Variants in FGF9 observed in about 807,000 individuals in gnomAD.
FGF9 encodes fibroblast growth factor 9.
FGF9 carries 3 observed loss-of-function variants against 19.9 expected under a neutral mutation model. That is an observed-to-expected ratio of 0.15 (90% CI 0.07 to 0.39). The LOEUF (loss-of-function observed/expected upper bound fraction) is 0.39. Among genes scored for constraint, FGF9 ranks in the 10% least tolerant of loss-of-function variants. The pLI is 1.00. For missense variants in FGF9, 175 were observed against 256.8 expected (o/e 0.68, Z 2.18); for synonymous variants, 107 against 106.9 (o/e 1.00, Z -0.01).
chr13:21,682,934 T>G (rs1872077844), intron 2 of FGF9, among the ~76,000 whole-genome samples: 1 of 152,156 alleles, frequency 6.6e-6, no homozygotes, highest in Non-Finnish European at 1.5e-5. Flanking sequence ...TGAGTATGCA[T>G]CTCAAATATT....
chr13:21,691,013 A>G lies in FGF9; in HGVS notation c.381+9868A>G, dbSNP rs1872278086. Among the ~76,000 whole-genome samples, 1 of 152,374 alleles carries G rather than the reference A, an allele frequency of 6.6e-6. No homozygotes were observed. Among genetic ancestry groups the G allele is most frequent in the Non-Finnish European group, 1.5e-5 (1 of 68,040 alleles). On this transcript the variant is annotated intron_variant, in intron 2 of 2. Coordinates refer to ENST00000382353, the MANE Select transcript of FGF9 (RefSeq NM_002010.3). This position sits in a 1 kb window ranked among gnomAD's most constrained non-coding sequence, Gnocchi z 4.2. ...GGTGTCATTCAACAGAAACACACAT[A>G]AAACAAGGTTACGTATCTGTTGGCT...
chr13:21,675,114 C>G (rs910972055), intron 1 of FGF9, among the ~76,000 whole-genome samples: 6 of 151,612 alleles, frequency 4.0e-5, no homozygotes, highest in African/African-American at 1.5e-4. Flanking sequence ...CTGGGGGCGC[C>G]GAGCCGCTAG....
intron 2 of FGF9, among the ~76,000 whole-genome samples, chr13:21,696,670 T>C (rs1872417072): frequency 6.6e-6 from 1 of 152,222 alleles, no homozygotes; most frequent in Non-Finnish European, 1.5e-5. Context: ...CAGGTTAATA[T>C]TTTTTGCTAT....
At chr13:21,684,008 ATTTGCTG>A (rs1337208856) in intron 2 of FGF9, among the ~76,000 whole-genome samples, 1 of 152,166 alleles carries the variant, frequency 6.6e-6, no homozygotes, top group African/African-American at 2.4e-5. Context: ...GAGTCTGTCT[ATTTGCTG>A]TTTTCCAAAC....
intron 2 of FGF9, among the ~76,000 whole-genome samples, chr13:21,696,477 A>G (rs1393797490): frequency 6.6e-6 from 1 of 152,224 alleles, no homozygotes; most frequent in Non-Finnish European, 1.5e-5. Context: ...AAATTAAAAC[A>G]TGGAAACACA....
chr13:21,699,812 C>T (rs935716198), intron 2 of FGF9, among the ~76,000 whole-genome samples: 3 of 151,998 alleles, frequency 2.0e-5, no homozygotes, highest in Admixed American at 2.0e-4. Flanking sequence ...ATATAAGGCG[C>T]CAGGTAGGTA....
chr13:21,701,522 T>G lies in FGF9; in HGVS notation c.*87T>G. On this transcript the variant is annotated 3_prime_UTR_variant, in exon 3 of 3. Transcript: ENST00000382353. ...GGGTTCTTATTGATTCGCTGTGTCATCACATCAGCTCCACTGTTGCCAAAC... is the reference window on the plus strand; with the variant it reads ...GGGTTCTTATTGATTCGCTGTGTCAGCACATCAGCTCCACTGTTGCCAAAC... 1 of 1,576,946 alleles carries G rather than the reference T, an allele frequency of 6.3e-7. No individual in the cohort carries two copies. Among genetic ancestry groups the G allele is most frequent in the Non-Finnish European group, 8.7e-7 (1 of 1,147,694 alleles).
In FGF9 at chr13:21,701,270, G is replaced by A. The variant is rs756170423; in HGVS notation, c.462G>A (p.Lys154=). 1.2e-6 allele frequency: 2 copies of A among 1,613,722 alleles called. No homozygotes were observed. Among genetic ancestry groups the A allele is most frequent in the South Asian group, 1.1e-5 (1 of 91,038 alleles). ...ATACGTACTCATCAAACCTATATAA[G>A]CACGTGGACACTGGAAGGCGATACT... ...WYNTYSSNLY[K]HVDTGRRYYV... is the part of the protein sequence containing the mutation. Residue 154 remains lysine, a synonymous_variant, in exon 3 of 3, where the codon AAG becomes AAA. Coordinates refer to ENST00000382353, the MANE Select transcript of FGF9 (RefSeq NM_002010.3).
In FGF9 at chr13:21,672,074, G is replaced by C; in HGVS notation, c.162G>C (p.Leu54Phe). Reference sequence around the variant, plus strand: ...CCAGGGGACCCGCAGTCACGGACTTGGATCATTTAAAGGGGATTCTCAGGC... The same window carrying C: ...CCAGGGGACCCGCAGTCACGGACTTCGATCATTTAAAGGGGATTCTCAGGC... ...GLPRGPAVTD[L>F]DHLKGILRRR... The change falls in exon 1 of 3, where the codon TTG becomes TTC. Residue 54 changes from leucine (L) to phenylalanine (F), a missense_variant. Leu to Phe is a conservative substitution (Grantham distance 22). Around this residue, in one of 3 missense-constraint regions of FGF9, gnomAD observed 69 missense variants for 73.6 expected, o/e 0.94. Transcript: ENST00000382353. The surrounding 1 kb of genome is among the most constrained non-coding windows in gnomAD (Gnocchi z 4.2). 6.2e-7 allele frequency: 1 copy of C among 1,614,210 alleles called. No individual in the cohort carries two copies. The highest frequency in any genetic ancestry group is 8.5e-7 in the Non-Finnish European group (1 of 1,180,040).
chr13:21,699,445 T>C (rs1169283900), intron 2 of FGF9, among the ~76,000 whole-genome samples: 1 of 152,218 alleles, frequency 6.6e-6, no homozygotes, highest in African/African-American at 2.4e-5. Flanking sequence ...TCCAAACACA[T>C]AGAAGAGCAC....
chr13:21,694,569 G>T (rs1469220168), intron 2 of FGF9, among the ~76,000 whole-genome samples: 1 of 152,078 alleles, frequency 6.6e-6, no homozygotes, highest in Non-Finnish European at 1.5e-5. Flanking sequence ...ACTGAGTAAT[G>T]TTTAATTTGA....
At chr13:21,674,754 A>C (rs1462311474) in intron 1 of FGF9, among the ~76,000 whole-genome samples, 1 of 150,966 alleles carries the variant, frequency 6.6e-6, no homozygotes, top group African/African-American at 2.4e-5. Context: ...CGTTTGCCAC[A>C]TGCAGTCGAG....
At chr13:21,676,423 T>G (rs2138129814) in intron 1 of FGF9, among the ~76,000 whole-genome samples, 1 of 152,330 alleles carries the variant, frequency 6.6e-6, no homozygotes, top group Admixed American at 6.5e-5. Flanking sequence ...ATCTGACTCT[T>G]CAATGTCTCA....
intron 2 of FGF9, among the ~76,000 whole-genome samples, chr13:21,683,522 G>A (rs1039366281): frequency 6.6e-6 from 1 of 152,238 alleles, no homozygotes; most frequent in Non-Finnish European, 1.5e-5. Flanking sequence ...CACACAGTGC[G>A]TGGGCAGGAA....
chr13:21,681,213 G>T (rs1322927902), intron 2 of FGF9, 68 bp downstream of exon 2: 3 of 1,190,406 alleles, frequency 2.5e-6, no homozygotes, highest in Non-Finnish European at 3.7e-6. Flanking sequence ...CTTTTCTCTG[G>T]ATTAAAAAGG....
In FGF9 at chr13:21,692,578, C is replaced by T. The variant is rs17070470; in HGVS notation, c.382-8612C>T. On this transcript the variant is annotated intron_variant, in intron 2 of 2. Transcript: ENST00000382353. ...GAGCTGAGGCTATAGAACGGGCTAACGATAGACACTTCATAGCTGGGCTGT... is the reference window on the plus strand; with the variant it reads ...GAGCTGAGGCTATAGAACGGGCTAATGATAGACACTTCATAGCTGGGCTGT... 4.7e-4 allele frequency among the ~76,000 whole-genome samples: 71 copies of T among 152,272 alleles called. 1 individual carries two copies. The highest frequency in any genetic ancestry group is 1.6e-3 in the African/African-American group (65 of 41,546).
At chr13:21,700,023 TG>T (rs1268899252) in intron 2 of FGF9, among the ~76,000 whole-genome samples, 6 of 150,238 alleles carry the variant, frequency 4.0e-5, no homozygotes, top group Non-Finnish European at 8.9e-5. Context: ...GTGGTGTGTG[TG>T]TGTGTGTGTG....
rs1042202915 is a variant in FGF9 at position 21,671,122 on chromosome 13, C to T, written c.-791C>T. 2.0e-5 allele frequency among the ~76,000 whole-genome samples: 3 copies of T among 152,122 alleles called. No homozygotes were observed. On this transcript the variant is annotated 5_prime_UTR_variant, in exon 1 of 3. Transcript: ENST00000382353. Reference sequence around the variant, plus strand: ...TGCGCAGGAGGAGCGCTCCGCCCGGCTACAACGCTCCGCGAGCCGGCGCGG... The same window carrying T: ...TGCGCAGGAGGAGCGCTCCGCCCGGTTACAACGCTCCGCGAGCCGGCGCGG...
chr13:21,675,329 C>G (rs551082473), intron 1 of FGF9, among the ~76,000 whole-genome samples: 67 of 152,198 alleles, frequency 4.4e-4, no homozygotes, highest in Non-Finnish European at 8.5e-4. Flanking sequence ...CGCGGTCTCC[C>G]GCTGCTGCCG....
Sources: gnomAD v4.1 joint callset for allele counts (sites outside exome capture counted in the v4.1 genomes callset) on GRCh38, gnomAD v4.1.1 for gene constraint, gnomAD v4.1.1 regional missense constraint, Gnocchi (gnomAD v3.1) non-coding constraint, MANE v1.5 for transcripts, NCBI Gene and HGNC (gene_info 2026-07-23, HGNC 2026-07-21) for gene names.